The following PRRT1B variants were observed in gnomAD, a reference collection of about 807,000 sequenced individuals.
PRRT1B encodes the protein dispanin subfamily D member 2.
intron 1 of PRRT1B, among the ~76,000 whole-genome samples, chr9:131,553,950 G>T (rs1039130541): frequency 6.6e-6 from 1 of 152,200 alleles, no homozygotes; most frequent in Non-Finnish European, 1.5e-5. Flanking sequence ...CGGGAGCAAG[G>T]CAGCTGGGCA....
chr9:131,546,152 C>A (rs1206212507), intron 1 of PRRT1B, among the ~76,000 whole-genome samples: 1 of 152,150 alleles, frequency 6.6e-6, no homozygotes, highest in Non-Finnish European at 1.5e-5. Flanking sequence ...CTCAGCTCAC[C>A]GCCCCGGCCA....
intron 1 of PRRT1B, among the ~76,000 whole-genome samples, chr9:131,552,697 G>A (rs1323922382): frequency 6.6e-6 from 1 of 151,078 alleles, no homozygotes; most frequent in East Asian, 1.9e-4. Context: ...TTTTGAGACG[G>A]AGTCTCACTC....
chr9:131,553,882 G>T (rs761233036), intron 1 of PRRT1B, among the ~76,000 whole-genome samples: 1 of 152,130 alleles, frequency 6.6e-6, no homozygotes, highest in Non-Finnish European at 1.5e-5. Flanking sequence ...GAATTTGTTG[G>T]GACCTGACCA....
intron 3 of PRRT1B, among the ~76,000 whole-genome samples, chr9:131,556,540 G>A (rs1951051643): frequency 6.6e-6 from 1 of 152,122 alleles, no homozygotes; most frequent in South Asian, 2.1e-4. Flanking sequence ...TCATTCCTAT[G>A]CTCATCTCAT....
chr9:131,556,808 T>G lies in PRRT1B; in HGVS notation c.642+595T>G, dbSNP rs562471653. Among the ~76,000 whole-genome samples the G allele has an allele frequency of 2.1e-4, 32 of 152,234 alleles. No individual in the cohort carries two copies. The South Asian group carries it at 5.6e-3, about 27-fold the overall frequency. ...CACCATGCCCAGCTAATTTTTTGTA[T>G]TTTTAGTAGAGATGAGGTTTCGCCA... On this transcript the variant is annotated intron_variant, in intron 3 of 3. Transcript: ENST00000636672.
At chr9:131,555,910 AG>A (rs1318625374) in intron 2 of PRRT1B, among the ~76,000 whole-genome samples, 159 bp from the exon 3 acceptor site, 1 of 152,054 alleles carries the variant, frequency 6.6e-6, no homozygotes, top group East Asian at 1.9e-4. Flanking sequence ...GAGAGGGCAG[AG>A]GGGCACCCTG....
At chr9:131,558,334 G>A in exon 4 of PRRT1B, 1 of 398,106 alleles carries the variant, frequency 2.5e-6, no homozygotes, top group Middle Eastern at 4.7e-4. Context: ...GGGGCCAGAA[G>A]AGGGCAGGCT....
chr9:131,553,143 GATT>G (rs2038807056), intron 1 of PRRT1B, among the ~76,000 whole-genome samples: 1 of 152,076 alleles, frequency 6.6e-6, no homozygotes, highest in Non-Finnish European at 1.5e-5. Flanking sequence ...TATAACATAC[GATT>G]TACCACTTGA....
chr9:131,546,193 G>A (rs1426220638), intron 1 of PRRT1B, among the ~76,000 whole-genome samples: 2 of 151,990 alleles, frequency 1.3e-5, no homozygotes, highest in Non-Finnish European at 2.9e-5. Flanking sequence ...GGGAGTGGGC[G>A]ACCCTGGCCA....
chr9:131,555,897 A>G (rs1007435878), intron 2 of PRRT1B, among the ~76,000 whole-genome samples, 173 bp from the exon 3 acceptor site: 2 of 152,032 alleles, frequency 1.3e-5, no homozygotes, highest in African/African-American at 4.8e-5. Context: ...GGGGTGCAAG[A>G]GGGAGAGGGC....
At chr9:131,554,114 C>G (rs1951029847) in intron 1 of PRRT1B, among the ~76,000 whole-genome samples, 1 of 152,226 alleles carries the variant, frequency 6.6e-6, no homozygotes, top group Non-Finnish European at 1.5e-5. Context: ...CCCTCCCCTA[C>G]AACTCCAAGC....
At chr9:131,558,104 C>T (rs184070120) in exon 4 of PRRT1B, 70 of 400,862 alleles carry the variant, frequency 1.7e-4, no homozygotes, top group African/African-American at 6.8e-4. Context: ...GGAGGCCTCG[C>T]GGAAGGCCCG....
chr9:131,548,473 C>T (rs377418675), intron 1 of PRRT1B, among the ~76,000 whole-genome samples: 19 of 152,236 alleles, frequency 1.2e-4, no homozygotes, highest in Admixed American at 3.9e-4. Context: ...AGCCAGAACA[C>T]GGCACTTTCG....
At chr9:131,554,836 G>C (rs1226604070) in exon 2 of PRRT1B, 1 of 369,514 alleles carries the variant, frequency 2.7e-6, no homozygotes, top group East Asian at 3.9e-5. Context: ...GGCTTCGTTG[G>C]GGAGCCCCCG....
At chr9:131,554,369 C>G (rs1302612274) in intron 1 of PRRT1B, among the ~76,000 whole-genome samples, 188 bp from the exon 2 acceptor site, 3 of 152,136 alleles carry the variant, frequency 2.0e-5, no homozygotes, top group Admixed American at 1.3e-4. Context: ...CCAGATGAGT[C>G]GCTCAGTCTG....
rs550284138 is a variant in PRRT1B at position 131,550,330 on chromosome 9, C to T, written c.26-4227C>T. ...CTGTTCTGGATCTCAAACATGCTTT[C>T]TTTACTATTCCTTTGCACCCTTCAT... is the stretch of plus-strand genomic sequence containing the variant. On this transcript the variant is annotated intron_variant, in intron 1 of 3. Transcript: ENST00000636672. Among the ~76,000 whole-genome samples, 16 of 152,252 alleles carry T rather than the reference C, an allele frequency of 1.1e-4. No individual in the cohort carries two copies. The South Asian group carries it at 2.9e-3, about 28-fold the overall frequency.
intron 1 of PRRT1B, among the ~76,000 whole-genome samples, chr9:131,554,226 C>T (rs192238732): frequency 6.6e-5 from 10 of 152,064 alleles, no homozygotes; most frequent in African/African-American, 2.4e-4. Context: ...GCGGATTATC[C>T]TTTTCTGGTC....
At chr9:131,546,340 C>G (rs558267877) in intron 1 of PRRT1B, among the ~76,000 whole-genome samples, 5 of 152,198 alleles carry the variant, frequency 3.3e-5, no homozygotes, top group African/African-American at 1.2e-4. Flanking sequence ...GGCGCGGACG[C>G]GGGTGGGATC....
Position 131,558,193 on chromosome 9 carries a change from C to A in PRRT1B, c.783C>A (p.Tyr261Ter). The A allele has an allele frequency of 2.5e-6, 1 of 401,068 alleles. No homozygotes were observed. Among genetic ancestry groups the A allele is most frequent in the Middle Eastern group, 3.1e-4 (1 of 3,220 alleles). 24.8% of individuals were successfully genotyped at this position (401,068 alleles called of 1,614,324 possible). A position where few individuals can be genotyped will look rare whatever the true frequency, so the allele number is the denominator to read the frequency against. Residue 261 changes from tyrosine to a stop codon, truncating the protein, a stop_gained, in exon 4 of 4, where the codon TAC becomes TAA. Coordinates refer to ENST00000636672, the Ensembl canonical transcript of PRRT1B. LOFTEE classifies it high-confidence loss of function. ...TCATCTACGTGGTGGTGGCACTCTA[C>A]CTTCCCTGAGGCTGTGGCTCCTGCG...
Sources: allele counts gnomAD v4.1 joint callset (sites outside exome capture counted in the v4.1 genomes callset), GRCh38; gene constraint gnomAD v4.1.1; transcripts MANE v1.5; gene names NCBI Gene and HGNC (gene_info 2026-07-23, HGNC 2026-07-21).